DERPC: variants seen among roughly 807,000 people sequenced by gnomAD.
The protein encoded by DERPC is decreased expression in renal and prostate cancer protein.
In DERPC, 1 loss-of-function variant was observed where a neutral mutation model predicts 7.2. That is an observed-to-expected ratio of 0.14 (90% confidence interval 0.05 to 0.66). DERPC has a LOEUF of 0.66. Among genes scored for constraint, DERPC ranks in the 30% least tolerant of loss-of-function variants. DERPC has a pLI of 0.84. For missense variants in DERPC, 502 were observed against 299.4 expected (o/e 1.68, Z -4.99); for synonymous variants, 185 against 117.6 (o/e 1.57, Z -3.71).
intron 1 of DERPC, chr16:69,132,125 CTCCGCCCGCGCTCGGCCACCCTT>C (rs1962583532): frequency 1.3e-5 from 2 of 155,430 alleles, no homozygotes; most frequent in Admixed American, 1.3e-4. Context: ...CTTCTCCGTC[CTCCGCCCGCGCTCGGCCACCCTT>C]TCCGCCCTTC....
intron 1 of DERPC, among the ~76,000 whole-genome samples, chr16:69,129,817 C>A (rs1962366125): frequency 6.6e-6 from 1 of 152,284 alleles, no homozygotes; most frequent in African/African-American, 2.4e-5. Context: ...GGCAAAGTAA[C>A]CTATGGAAAG....
chr16:69,129,164 C>G (rs577412815), intron 1 of DERPC, among the ~76,000 whole-genome samples: 1 of 152,038 alleles, frequency 6.6e-6, no homozygotes, highest in East Asian at 1.9e-4. Context: ...GGTGCGGTGG[C>G]TCACACCTGT....
At position 69,120,102 on chromosome 16, in the gene DERPC, T is replaced by G. The variant is rs2152265764; in HGVS notation, c.327A>C (p.Ala109=). Residue 109 remains alanine, a synonymous_variant, in exon 3 of 3, where the codon GCA becomes GCC. Transcript: ENST00000519520. The surrounding 1 kb of genome is among the most constrained non-coding windows in gnomAD (Gnocchi z 4.0). ...GGCCACCAGGCCTTGGGAAAGAAAC[T>G]GCACCTGTGCCAGTGGGATTCATCC... ...PRGMNPTGTG[A]VSFPRPGGLL... The G allele has an allele frequency of 1.4e-6, 1 of 699,090 alleles. No individual in the cohort carries two copies. The highest frequency in any genetic ancestry group is 2.7e-5 in the East Asian group (1 of 37,266). 43.3% of individuals were successfully genotyped at this position (699,090 alleles called of 1,614,324 possible). A position where few individuals can be genotyped will look rare whatever the true frequency, so the allele number is the denominator to read the frequency against.
At chr16:69,126,753 T>C (rs1962088271) in intron 1 of DERPC, among the ~76,000 whole-genome samples, 1 of 152,234 alleles carries the variant, frequency 6.6e-6, no homozygotes, top group South Asian at 2.1e-4. Flanking sequence ...CATCCTTTAG[T>C]GAATTTTAAA....
chr16:69,126,585 C>CTAG (rs1300924305), intron 1 of DERPC, among the ~76,000 whole-genome samples: 1 of 152,186 alleles, frequency 6.6e-6, no homozygotes, highest in African/African-American at 2.4e-5. Flanking sequence ...TTGTCTTATC[C>CTAG]TAGAACTATT....
In DERPC at chr16:69,120,202, G is replaced by A. The variant is rs1414294166; in HGVS notation, c.227C>T (p.Ser76Leu). The change falls in exon 3 of 3, where the codon TCA (serine) becomes TTA (leucine). Residue 76 changes from serine (S) to leucine (L), a missense_variant. By Grantham distance (145) the Ser-to-Leu change is moderately radical (BLOSUM62 -2). Transcript: ENST00000519520. The surrounding 1 kb of genome is among the most constrained non-coding windows in gnomAD (Gnocchi z 4.0). Reference sequence around the variant, plus strand: ...TGCTGGATTTGAAGCCAATGAGCCTGATGAAGCTGGAAAAGGAGATGGGTT... The same window carrying A: ...TGCTGGATTTGAAGCCAATGAGCCTAATGAAGCTGGAAAAGGAGATGGGTT... ...PRNPSPFPAS[S>L]GSLASNPAPF... 1.4e-6 allele frequency: 1 copy of A among 702,696 alleles called. No individual in the cohort carries two copies. Among genetic ancestry groups the A allele is most frequent in the Non-Finnish European group, 2.6e-6 (1 of 385,622 alleles). 43.5% of individuals were successfully genotyped at this position (702,696 alleles called of 1,614,324 possible). A position where few individuals can be genotyped will look rare whatever the true frequency, so the allele number is the denominator to read the frequency against.
chr16:69,128,550 A>T (rs1041955373), intron 1 of DERPC, among the ~76,000 whole-genome samples: 1 of 152,322 alleles, frequency 6.6e-6, no homozygotes. Flanking sequence ...GAACTAAACA[A>T]TACATAAATT....
chr16:69,119,086 T>A lies in DERPC; in HGVS notation c.1343A>T (p.His448Leu), dbSNP rs1274527852. ...AGGGCCAGCTGGAGAAGGGCCCAGA[T>A]GCCCGGCAGCTGGCCTGGGGAAAGT... ...QVTFPRPAAG[H>L]LGPSPAGPVG... Residue 448 changes from histidine (H) to leucine (L), a missense_variant, in exon 3 of 3, where the codon CAT (histidine) becomes CTT (leucine). By Grantham distance (99) the His-to-Leu change is moderately conservative. Transcript: ENST00000519520. The A allele has an allele frequency of 1.4e-6, 1 of 702,902 alleles. No individual in the cohort carries two copies. The highest frequency in any genetic ancestry group is 1.7e-5 in the African/African-American group (1 of 57,270). The allele number at this position is 702,902 out of a possible 1,614,324, so 43.5% of individuals were successfully genotyped here.
chr16:69,124,097 C>G (rs578029767), intron 1 of DERPC, among the ~76,000 whole-genome samples: 2 of 151,234 alleles, frequency 1.3e-5, no homozygotes, highest in Non-Finnish European at 2.9e-5. Context: ...GAGCAAGACT[C>G]TGTCTCAAAG....
At chr16:69,128,486 G>A (rs1412394977) in intron 1 of DERPC, among the ~76,000 whole-genome samples, 3 of 152,148 alleles carry the variant, frequency 2.0e-5, no homozygotes, top group Non-Finnish European at 2.9e-5. Flanking sequence ...CCAATCTCAT[G>A]AGGAGGGAAA....
intron 1 of DERPC, among the ~76,000 whole-genome samples, chr16:69,124,104 A>G (rs902187823): frequency 6.6e-6 from 1 of 151,126 alleles, no homozygotes; most frequent in African/African-American, 2.5e-5. Context: ...ACTCTGTCTC[A>G]AAGGGGAAAA....
At chr16:69,128,489 G>A (rs898242539) in intron 1 of DERPC, among the ~76,000 whole-genome samples, 8 of 152,100 alleles carry the variant, frequency 5.3e-5, no homozygotes, top group African/African-American at 1.9e-4. Flanking sequence ...ATCTCATGAG[G>A]AGGGAAAAAA....
Position 69,119,873 on chromosome 16 carries a change from T to G in DERPC, c.556A>C (p.Arg186=). The change falls in exon 3 of 3, where the codon AGA becomes CGA. Residue 186 remains arginine (R), a synonymous_variant. Transcript: ENST00000519520. ...CCAGAGGTTAACAGAACACCGGCTCTCAGGTTAGGTCCAGATCCAGGGCCC... is the reference window on the plus strand; with the variant it reads ...CCAGAGGTTAACAGAACACCGGCTCGCAGGTTAGGTCCAGATCCAGGGCCC... ...PMGPGSGPNL[R]AGVLLTSGNG... The G allele has an allele frequency of 1.4e-6, 1 of 701,614 alleles. No homozygotes were observed. The highest frequency in any genetic ancestry group is 2.6e-6 in the Non-Finnish European group (1 of 384,952). The allele number at this position is 701,614 out of a possible 1,614,324, so 43.5% of individuals were successfully genotyped here.
rs201648693 is a variant in DERPC at position 69,119,494 on chromosome 16, G to A, written c.935C>T (p.Pro312Leu). 1.2e-3 allele frequency: 837 copies of A among 703,026 alleles called. 1 individual carries two copies. Among genetic ancestry groups the A allele is most frequent in the Admixed American group, 2.8e-3 (140 of 50,026 alleles). 43.5% of individuals were successfully genotyped at this position (703,026 alleles called of 1,614,324 possible). A position where few individuals can be genotyped will look rare whatever the true frequency, so the allele number is the denominator to read the frequency against. ...GCTAGGACCCGAGTTTGGGCCCATG[G>A]GGCCAGGTACTCTTGCCATGGAGGA... Reference protein sequence around the residue: ...SPSSMARVPGPMGPNSGPSSR... With the variant: ...SPSSMARVPGLMGPNSGPSSR... Residue 312 changes from proline (P) to leucine (L), a missense_variant, in exon 3 of 3, where the codon CCC becomes CTC. Physicochemically the swap from Pro to Leu is moderately conservative, Grantham distance 98. Coordinates refer to ENST00000519520, the MANE Select transcript of DERPC (RefSeq NM_001002847.4).
In DERPC at chr16:69,123,936, A is replaced by C. The variant is rs182799523; in HGVS notation, c.-279-2443T>G. Among the ~76,000 whole-genome samples, 713 of 138,966 alleles carry C rather than the reference A, an allele frequency of 5.1e-3. 5 individuals carry two copies. The highest frequency in any genetic ancestry group is 0.017 in the African/African-American group (695 of 40,362). The allele number at this position is 138,966 out of a possible 152,430, so 91.2% of individuals were successfully genotyped here. The stretch of plus-strand genomic sequence containing the variant: ...AACCCCATCTCTACTAAAAAAAAAA[A>C]AAAAAAAAAAACAAAAAATTAGCTG... On this transcript the variant is annotated intron_variant, in intron 1 of 2. Coordinates refer to ENST00000519520, the MANE Select transcript of DERPC (RefSeq NM_001002847.4).
At chr16:69,127,600 A>AT (rs1962163962) in intron 1 of DERPC, among the ~76,000 whole-genome samples, 2 of 143,556 alleles carry the variant, frequency 1.4e-5, no homozygotes, top group Admixed American at 1.4e-4. Context: ...TCTCCCGGCA[A>AT]CTTTTTTTTT....
rs1961398296 is a variant in DERPC at position 69,119,045 on chromosome 16, C to G, written c.1384G>C (p.Ala462Pro). ...GTCCCAGTTGGCCTTGTGAAAGGAG[C>G]TGGGTTGATACCCACAGGGCCAGCT... ...SPAGPVGINP[A>P]PFTRPTGTLG... The change falls in exon 3 of 3, where the codon GCT becomes CCT. Residue 462 changes from alanine to proline, a missense_variant. Coordinates refer to ENST00000519520, the MANE Select transcript of DERPC (RefSeq NM_001002847.4). 1 of 702,952 alleles carries G rather than the reference C, an allele frequency of 1.4e-6. No individual in the cohort carries two copies. The highest frequency in any genetic ancestry group is 2.0e-5 in the Admixed American group (1 of 50,006). The allele number at this position is 702,952 out of a possible 1,614,324, so 43.5% of individuals were successfully genotyped here. A position where few individuals can be genotyped will look rare whatever the true frequency, so the allele number is the denominator to read the frequency against.
In DERPC at chr16:69,119,240, T is replaced by A. The variant is rs143561296; in HGVS notation, c.1189A>T (p.Thr397Ser). 4.1e-5 allele frequency: 29 copies of A among 702,836 alleles called. No individual in the cohort carries two copies. Among genetic ancestry groups the A allele is most frequent in the Non-Finnish European group, 7.0e-5 (27 of 384,948 alleles). The allele number at this position is 702,836 out of a possible 1,614,324, so 43.5% of individuals were successfully genotyped here. ...RSAGLQGSNP[T>S]IFPRASGPLG... is the part of the protein sequence containing the mutation. ...GGCCCAGAGGCTCTTGGGAAAATGG[T>A]TGGATTTGAGCCCTGGAGGCCAGCG... Residue 397 changes from threonine (T) to serine (S), a missense_variant, in exon 3 of 3, where the codon ACC (threonine) becomes TCC (serine). By Grantham distance (58) the Thr-to-Ser change is moderately conservative. Coordinates refer to ENST00000519520, the MANE Select transcript of DERPC (RefSeq NM_001002847.4).
Position 69,120,337 on chromosome 16 carries a change from C to G in DERPC, c.92G>C (p.Gly31Ala). 1 of 1,333,112 alleles carries G rather than the reference C, an allele frequency of 7.5e-7. No individual in the cohort carries two copies. The highest frequency in any genetic ancestry group is 1.1e-6 in the Non-Finnish European group (1 of 929,934). 82.6% of individuals were successfully genotyped at this position (1,333,112 alleles called of 1,614,324 possible). A position where few individuals can be genotyped will look rare whatever the true frequency, so the allele number is the denominator to read the frequency against. Residue 31 changes from glycine (G) to alanine (A), a missense_variant, in exon 3 of 3, where the codon GGA (glycine) becomes GCA (alanine). Physicochemically the swap from Gly to Ala is moderately conservative, Grantham distance 60. Coordinates refer to ENST00000519520, the MANE Select transcript of DERPC (RefSeq NM_001002847.4). This position sits in a 1 kb window ranked among gnomAD's most constrained non-coding sequence, Gnocchi z 4.0. ...GTTCAGAACAGGACCCCCCTGTGGT[C>G]CCAGGGAACCGTCGAGCCGTCCTCG... ...PPRGRLDGSLGPQGGPVLNTG... is the reference protein window; with the variant it reads ...PPRGRLDGSLAPQGGPVLNTG...
Sources: allele counts gnomAD v4.1 joint callset (sites outside exome capture counted in the v4.1 genomes callset), GRCh38; gene constraint gnomAD v4.1.1; non-coding constraint Gnocchi (gnomAD v3.1); transcripts MANE v1.5; gene names NCBI Gene and HGNC (gene_info 2026-07-23, HGNC 2026-07-21).